FAM76A: variants seen among roughly 807,000 people sequenced by gnomAD.
FAM76A encodes the protein protein FAM76A.
A neutral mutation model predicts 46.2 loss-of-function variants in FAM76A; 32 were observed. That is an observed-to-expected ratio of 0.69 (90% CI 0.52 to 0.93). The LOEUF (loss-of-function observed/expected upper bound fraction) is 0.93. FAM76A is among the 40% of genes least tolerant of loss of function. The pLI is 0.00. For synonymous variants in FAM76A, 137 were observed against 127.0 expected, an observed-to-expected ratio of 1.08 and a Z score of -0.53; for missense variants, 274 against 361.5, an observed-to-expected ratio of 0.76 and a Z score of 1.96.
chr1:27,729,666 G>C (rs532099081), intron 2 of FAM76A, among the ~76,000 whole-genome samples: 1 of 151,950 alleles, frequency 6.6e-6, no homozygotes, highest in South Asian at 2.1e-4. Context: ...TTTTATTTCT[G>C]ATGTATTTAA....
At chr1:27,743,952 C>T (rs1439727266) in intron 4 of FAM76A, among the ~76,000 whole-genome samples, 1 of 151,636 alleles carries the variant, frequency 6.6e-6, no homozygotes, top group East Asian at 1.9e-4. Flanking sequence ...AAAAAAAAAT[C>T]CAAAAAACTG....
chr1:27,728,626 T>TA (rs2087902526), intron 2 of FAM76A, among the ~76,000 whole-genome samples: 2 of 152,246 alleles, frequency 1.3e-5, no homozygotes. Context: ...ATGTTGGAAT[T>TA]ACAGGCGTGA....
chr1:27,738,908 T>A (rs935441783), intron 4 of FAM76A, among the ~76,000 whole-genome samples: 2 of 152,030 alleles, frequency 1.3e-5, no homozygotes, highest in African/African-American at 2.4e-5. Flanking sequence ...GGACAAAAAT[T>A]CCAGGAAGAA....
chr1:27,732,750 T>A, intron 3 of FAM76A, 93 bp downstream of exon 3: 1 of 922,208 alleles, frequency 1.1e-6, no homozygotes, highest in Middle Eastern at 2.3e-4. Flanking sequence ...AATATTTTTA[T>A]TAGAATAAAT....
chr1:27,750,170 A>C (rs752108175), intron 6 of FAM76A, among the ~76,000 whole-genome samples: 27 of 152,308 alleles, frequency 1.8e-4, no homozygotes, highest in Non-Finnish European at 3.4e-4. Flanking sequence ...CCAGTAGTGG[A>C]TATAGGAGCA....
Position 27,744,751 on chromosome 1 carries a change from G to A in FAM76A, c.452G>A (p.Arg151His), listed in dbSNP as rs747937419. The A allele has an allele frequency of 2.9e-5, 46 of 1,614,020 alleles. No homozygotes were observed. The highest frequency in any genetic ancestry group is 6.7e-5 in the Admixed American group (4 of 59,984). ...AGGAAACACCTGAGTAGCTCTTCTC[G>A]TGCTGGCCACCAGGAGAAGGAGCAG... ...EQRKHLSSSSRAGHQEKEQYS... is the reference protein window; with the variant it reads ...EQRKHLSSSSHAGHQEKEQYS... Residue 151 changes from arginine (R) to histidine (H), a missense_variant, in exon 5 of 9, where the codon CGT (arginine) becomes CAT (histidine). Coordinates refer to ENST00000373954, the MANE Select transcript of FAM76A (RefSeq NM_152660.3).
Position 27,740,443 on chromosome 1 carries a change from T to G in FAM76A, c.355-4211T>G, listed in dbSNP as rs12095016. ...AACATTCACTGGTTGAGGACCCAGT[T>G]CCCATCTTTGGATAAGAGGTCGATG... On this transcript the variant is annotated intron_variant, in intron 4 of 8. Coordinates refer to ENST00000373954, the MANE Select transcript of FAM76A (RefSeq NM_152660.3). 5.8e-3 allele frequency: 8,585 copies of G among 1,471,786 alleles called. 510 individuals carry two copies. In the African/African-American group the frequency reaches 0.11, roughly 19 times the overall value. The allele number at this position is 1,471,786 out of a possible 1,614,324, so 91.2% of individuals were successfully genotyped here. A position where few individuals can be genotyped will look rare whatever the true frequency, so the allele number is the denominator to read the frequency against.
At chr1:27,743,995 T>C (rs2088198621) in intron 4 of FAM76A, among the ~76,000 whole-genome samples, 1 of 152,176 alleles carries the variant, frequency 6.6e-6, no homozygotes, top group Non-Finnish European at 1.5e-5. Flanking sequence ...TCTTCTGTCT[T>C]CTCTTCTCCC....
intron 4 of FAM76A, 54 bp downstream of exon 4, chr1:27,734,237 G>T: frequency 6.5e-7 from 1 of 1,532,120 alleles, no homozygotes; most frequent in Non-Finnish European, 8.8e-7. Flanking sequence ...AATTAAGGTG[G>T]ACTAACTGTG....
At position 27,749,730 on chromosome 1, in the gene FAM76A, C is replaced by T. The variant is rs1240785410; in HGVS notation, c.599+576C>T. ...ATCTCTGCCCATATCTTCCTGCAGG[C>T]AGGAGAGGAGTTGATCTTGAGAGGT... On this transcript the variant is annotated intron_variant, in intron 6 of 8. Coordinates refer to ENST00000373954, the MANE Select transcript of FAM76A (RefSeq NM_152660.3). 2.6e-5 allele frequency among the ~76,000 whole-genome samples: 4 copies of T among 152,242 alleles called. No homozygotes were observed. The East Asian group carries it at 7.7e-4, about 29-fold the overall frequency.
intron 5 of FAM76A, among the ~76,000 whole-genome samples, chr1:27,745,880 C>T (rs1477689765): frequency 5.9e-5 from 9 of 152,068 alleles, no homozygotes. Flanking sequence ...ATTGCTGGAG[C>T]TTTTGGCTGG....
At chr1:27,736,976 C>T (rs2088057510) in intron 4 of FAM76A, among the ~76,000 whole-genome samples, 3 of 151,328 alleles carry the variant, frequency 2.0e-5, no homozygotes, top group South Asian at 2.1e-4. Context: ...GACGGAGTTT[C>T]GCTGTTGTTG....
In FAM76A at chr1:27,755,190, T is replaced by C; in HGVS notation, c.600-5T>C. 6.2e-7 allele frequency: 1 copy of C among 1,613,212 alleles called. No individual in the cohort carries two copies. The highest frequency in any genetic ancestry group is 8.5e-7 in the Non-Finnish European group (1 of 1,179,740). On this transcript the variant is annotated splice_region_variant and splice_polypyrimidine_tract_variant and intron_variant, in intron 6 of 8. Transcript: ENST00000373954. ...AAAATATTTTCCCCTGATTTTTAAATTTAGCTTCTCCCCAGACCTGGCTCT... is the reference window on the plus strand; with the variant it reads ...AAAATATTTTCCCCTGATTTTTAAACTTAGCTTCTCCCCAGACCTGGCTCT...
chr1:27,752,291 C>A (rs564430987), intron 6 of FAM76A, among the ~76,000 whole-genome samples: 86 of 152,138 alleles, frequency 5.7e-4, no homozygotes, highest in African/African-American at 1.9e-3. Context: ...TTTTAGCTTT[C>A]AAAAATGGCT....
Position 27,734,202 on chromosome 1 carries a change from T to C in FAM76A, c.354+19T>C, listed in dbSNP as rs1422456732. On this transcript the variant is annotated intron_variant, in intron 4 of 8. Coordinates refer to ENST00000373954, the MANE Select transcript of FAM76A (RefSeq NM_152660.3). ...AAAGAAGGTAAATCTCTGTTTTTCT[T>C]GATTTCTTTTTTTCCTTTCAGAGAA... 6.4e-7 allele frequency: 1 copy of C among 1,564,288 alleles called. No individual in the cohort carries two copies. Among genetic ancestry groups the C allele is most frequent in the South Asian group, 1.2e-5 (1 of 83,712 alleles).
At chr1:27,727,397 C>T in intron 1 of FAM76A, 75 bp from the exon 2 acceptor site, 2 of 1,194,142 alleles carry the variant, frequency 1.7e-6, no homozygotes, top group Non-Finnish European at 2.5e-6. Context: ...AGAAATAGTA[C>T]CCAGGTCGGC....
intron 5 of FAM76A, among the ~76,000 whole-genome samples, chr1:27,746,781 T>C (rs1267233130): frequency 1.3e-5 from 2 of 151,970 alleles, no homozygotes; most frequent in African/African-American, 2.4e-5. Flanking sequence ...TATTTGAAAA[T>C]GCAGATTCCG....
intron 4 of FAM76A, among the ~76,000 whole-genome samples, chr1:27,738,763 A>G (rs1490416841): frequency 6.6e-6 from 1 of 152,210 alleles, no homozygotes; most frequent in Non-Finnish European, 1.5e-5. Flanking sequence ...TATTAGTGCT[A>G]TAAAGAAATA....
intron 5 of FAM76A, among the ~76,000 whole-genome samples, chr1:27,748,670 A>T (rs1217820375): frequency 2.0e-5 from 3 of 150,198 alleles, no homozygotes; most frequent in Non-Finnish European, 4.4e-5. Context: ...TTTAGTGGAG[A>T]TGGGGTTTCA....
Sources: allele counts gnomAD v4.1 joint callset (sites outside exome capture counted in the v4.1 genomes callset), GRCh38; gene constraint gnomAD v4.1.1; transcripts MANE v1.5; gene names NCBI Gene and HGNC (gene_info 2026-07-23, HGNC 2026-07-21).